Variants in DPYD observed in about 807,000 individuals in gnomAD.
DPYD encodes the protein dihydropyrimidine dehydrogenase [NADP(+)].
Under a neutral mutation model 116.2 loss-of-function variants are expected in DPYD, and 109 were observed. The observed-to-expected ratio is 0.94, with a 90% CI of 0.80 to 1.10. DPYD has a LOEUF of 1.10. Ranked by LOEUF, DPYD falls within the 50% of genes least tolerant of loss-of-function variation. The pLI is 0.00. For synonymous variants in DPYD, 440 were observed against 432.0 expected (o/e 1.02, Z -0.23); for missense variants, 1,302 against 1,254.5 (o/e 1.04, Z -0.57).
chr1:97,635,081 G>A (rs1397126123), intron 8 of DPYD, among the ~76,000 whole-genome samples: 1 of 151,884 alleles, frequency 6.6e-6, no homozygotes, highest in Non-Finnish European at 1.5e-5. Context: ...TGAGAGTGAT[G>A]CCTCTGAAGA....
At chr1:97,172,823 T>C (rs1656828335) in intron 20 of DPYD, among the ~76,000 whole-genome samples, 1 of 152,196 alleles carries the variant, frequency 6.6e-6, no homozygotes, top group African/African-American at 2.4e-5. Context: ...TTTTCACAAA[T>C]GATCATTTAG....
At chr1:97,212,409 T>C (rs956517138) in intron 19 of DPYD, among the ~76,000 whole-genome samples, 1 of 152,164 alleles carries the variant, frequency 6.6e-6, no homozygotes, top group Non-Finnish European at 1.5e-5. Context: ...GTCTATTTTA[T>C]TGCTGAATAA....
intron 15 of DPYD, among the ~76,000 whole-genome samples, chr1:97,377,583 C>T (rs1184327963): frequency 6.6e-6 from 1 of 152,200 alleles, no homozygotes. Context: ...TTTTAAAATT[C>T]TCTGAACCAC....
intron 8 of DPYD, among the ~76,000 whole-genome samples, chr1:97,640,314 T>A (rs752679869): frequency 6.6e-6 from 1 of 152,024 alleles, no homozygotes; most frequent in African/African-American, 2.4e-5. Flanking sequence ...TTTCTTTTAT[T>A]TTTATTTATT....
chr1:97,756,113 C>T (rs1284291454), intron 3 of DPYD, among the ~76,000 whole-genome samples: 1 of 152,080 alleles, frequency 6.6e-6, no homozygotes, highest in Non-Finnish European at 1.5e-5. Flanking sequence ...GTCTCAATCT[C>T]CCAAGCCAAC....
rs571734601 is a variant in DPYD, at chr1:97,727,035, TTAAG to T, written c.322-5368_322-5365del. Among the ~76,000 whole-genome samples, 40 of 151,856 alleles carry T rather than the reference TTAAG, an allele frequency of 2.6e-4. No individual in the cohort carries two copies. The East Asian group carries it at 7.5e-3, about 29-fold the overall frequency. ...AATTTGTAGGAGGTTAAAAATTGTT[TTAAG>T]TTAGTAAGGATTTATTGAATGTCTT... On this transcript the variant is annotated intron_variant, in intron 4 of 22. Coordinates refer to ENST00000370192, the MANE Select transcript of DPYD (RefSeq NM_000110.4).
At chr1:97,721,054 C>G in intron 5 of DPYD, 1 of 1,323,450 alleles carries the variant, frequency 7.6e-7, no homozygotes, top group Non-Finnish European at 1.0e-6. Context: ...GGTTAAATAA[C>G]ATTACTTAGT....
In DPYD at chr1:97,645,948, G is replaced by A. The variant is rs80153154; in HGVS notation, c.850+33147C>T. ...ATTTCTCTAAATATCTTGTAAGTTT[G>A]GTTTCAGTGTTTTCTGTTACAGAAT... is the stretch of plus-strand genomic sequence containing the variant. On this transcript the variant is annotated intron_variant, in intron 8 of 22. Coordinates refer to ENST00000370192, the MANE Select transcript of DPYD (RefSeq NM_000110.4). 1.4e-3 allele frequency among the ~76,000 whole-genome samples: 213 copies of A among 152,098 alleles called. 1 individual carries two copies. Among genetic ancestry groups the A allele is most frequent in the African/African-American group, 5.0e-3 (206 of 41,532 alleles).
chr1:97,418,679 T>C (rs1002199139), intron 14 of DPYD, among the ~76,000 whole-genome samples: 14 of 152,132 alleles, frequency 9.2e-5, no homozygotes, highest in Non-Finnish European at 1.8e-4. Flanking sequence ...ATTATCAACA[T>C]AAATATATCA....
intron 16 of DPYD, among the ~76,000 whole-genome samples, chr1:97,318,180 C>T (rs1667983952): frequency 6.8e-6 from 1 of 146,060 alleles, no homozygotes; most frequent in Non-Finnish European, 1.5e-5. Flanking sequence ...AACTAACGAG[C>T]AAAATCACCA....
In DPYD at chr1:97,469,397, C is replaced by CAAAAAAAAAAAAAAAAAAAAAAAAAAAA. The variant is rs59090402; in HGVS notation, c.1741-19202_1741-19175dup. Among the ~76,000 whole-genome samples, 37 of 80,804 alleles carry CAAAAAAAAAAAAAAAAAAAAAAAAAAAA rather than the reference C, an allele frequency of 4.6e-4. 2 individuals are homozygous for CAAAAAAAAAAAAAAAAAAAAAAAAAAAA. Among genetic ancestry groups the CAAAAAAAAAAAAAAAAAAAAAAAAAAAA allele is most frequent in the East Asian group, 1.4e-3 (3 of 2,204 alleles). 53.0% of individuals were successfully genotyped at this position (80,804 alleles called of 152,430 possible). A position where few individuals can be genotyped will look rare whatever the true frequency, so the allele number is the denominator to read the frequency against. ...ATAGCTCTAAGGGAAGCTAAAATTG[C>CAAAAAAAAAAAAAAAAAAAAAAAAAAAA]AAAAAAAAAAAAAAAAAAAAAAAAA... On this transcript the variant is annotated intron_variant, in intron 13 of 22. Transcript: ENST00000370192.
At chr1:97,567,284 GCCTTCTA>G (rs1201898253) in intron 11 of DPYD, among the ~76,000 whole-genome samples, 5 of 152,018 alleles carry the variant, frequency 3.3e-5, no homozygotes, top group African/African-American at 1.2e-4. Context: ...TTTTCTGAGG[GCCTTCTA>G]ATAAGAGGAA....
chr1:97,830,737 G>C (rs1310087474), intron 2 of DPYD, among the ~76,000 whole-genome samples: 1 of 151,384 alleles, frequency 6.6e-6, no homozygotes, highest in East Asian at 1.9e-4. Flanking sequence ...GAGAGAGAAA[G>C]TGGACACGTG....
intron 19 of DPYD, among the ~76,000 whole-genome samples, chr1:97,226,157 A>T (rs1158428960): frequency 6.6e-6 from 1 of 152,156 alleles, no homozygotes; most frequent in Non-Finnish European, 1.5e-5. Flanking sequence ...ATCTTAATAG[A>T]TGCAGAAAAA....
At chr1:97,656,909 G>C (rs1478077180) in intron 8 of DPYD, among the ~76,000 whole-genome samples, 1 of 147,514 alleles carries the variant, frequency 6.8e-6, no homozygotes, top group African/African-American at 2.5e-5. Flanking sequence ...TTCCAAGAAT[G>C]AACTTGGGCT....
At chr1:97,751,399 T>A (rs1269054038) in intron 3 of DPYD, among the ~76,000 whole-genome samples, 1 of 143,034 alleles carries the variant, frequency 7.0e-6, no homozygotes, top group African/African-American at 2.6e-5. Context: ...TGTGTATATA[T>A]ACATATATAC....
intron 12 of DPYD, among the ~76,000 whole-genome samples, chr1:97,525,449 A>G (rs2102003424): frequency 6.6e-6 from 1 of 152,264 alleles, no homozygotes; most frequent in Admixed American, 6.5e-5. Context: ...ATTTGCTTAC[A>G]TATATGCTAT....
chr1:97,142,320 A>G (rs941192368), intron 20 of DPYD, among the ~76,000 whole-genome samples: 1 of 152,160 alleles, frequency 6.6e-6, no homozygotes, highest in Admixed American at 6.6e-5. Flanking sequence ...AGCCAACTTG[A>G]AAATTCTGAC....
intron 14 of DPYD, chr1:97,394,071 T>A (rs1363484189): frequency 1.3e-5 from 2 of 152,204 alleles, no homozygotes; most frequent in Admixed American, 1.3e-4. Context: ...CATGTGTCTT[T>A]TGGCTGCATA....
Sources: gnomAD v4.1 joint callset for allele counts (sites outside exome capture counted in the v4.1 genomes callset) on GRCh38, gnomAD v4.1.1 for gene constraint, MANE v1.5 for transcripts, NCBI Gene and HGNC (gene_info 2026-07-23, HGNC 2026-07-21) for gene names.